The following ALK variants were observed in gnomAD, a reference collection of about 807,000 sequenced individuals.
ALK encodes the protein ALK tyrosine kinase receptor.
ALK carries 74 observed loss-of-function variants against 163.1 expected under a neutral mutation model. That is an observed-to-expected ratio of 0.45 (90% CI 0.38 to 0.55). The LOEUF (loss-of-function observed/expected upper bound fraction) is 0.55. ALK is among the 20% of genes least tolerant of loss of function. ALK has a pLI of 0.00. For synonymous variants in ALK, 960 were observed against 843.2 expected (o/e 1.14, Z -2.40); for missense variants, 2,063 against 2,105.3 (o/e 0.98, Z 0.39).
intron 1 of ALK, among the ~76,000 whole-genome samples, chr2:29,863,460 C>T (rs1379170087): frequency 6.6e-6 from 1 of 152,084 alleles, no homozygotes; most frequent in Non-Finnish European, 1.5e-5. Flanking sequence ...GAGCAAATGA[C>T]CTGAAAAGGT....
At chr2:29,560,814 C>CTTG (rs1558384620) in intron 3 of ALK, among the ~76,000 whole-genome samples, 7 of 152,114 alleles carry the variant, frequency 4.6e-5, no homozygotes, top group African/African-American at 1.7e-4. Flanking sequence ...TCAAGTGATC[C>CTTG]ACCTAACTTG....
At chr2:29,307,045 G>T (rs910092178) in intron 8 of ALK, among the ~76,000 whole-genome samples, 6 of 152,220 alleles carry the variant, frequency 3.9e-5, no homozygotes, top group African/African-American at 1.4e-4. Context: ...ACGGCATTGT[G>T]GCTAGGCCTA....
intron 22 of ALK, chr2:29,221,192 A>G (rs1284660065): frequency 1.8e-6 from 1 of 544,070 alleles, no homozygotes; most frequent in African/African-American, 1.9e-5. Flanking sequence ...TCTCCCAGGA[A>G]GGCCTCAGGC....
intron 9 of ALK, among the ~76,000 whole-genome samples, chr2:29,293,528 A>AT (rs150827402): frequency 3.9e-5 from 6 of 152,124 alleles, no homozygotes; most frequent in Non-Finnish European, 7.4e-5. Flanking sequence ...TCTGGGGATA[A>AT]TTTTTTTTAA....
chr2:29,908,280 GCACA>G (rs10607985), intron 1 of ALK, among the ~76,000 whole-genome samples: 116,634 of 148,472 alleles, frequency 0.79, 46,488 homozygotes, highest in Non-Finnish European at 0.87. Context: ...ACTCTCCAGA[GCACA>G]CACACACACA....
At chr2:29,586,692 T>A (rs1674898592) in intron 3 of ALK, among the ~76,000 whole-genome samples, 1 of 152,192 alleles carries the variant, frequency 6.6e-6, no homozygotes, top group Admixed American at 6.5e-5. Context: ...GGCGACAACT[T>A]GTGCAGTGTG....
intron 3 of ALK, among the ~76,000 whole-genome samples, chr2:29,641,709 C>G (rs1379459821): frequency 1.3e-5 from 2 of 152,172 alleles, no homozygotes; most frequent in Admixed American, 1.3e-4. Context: ...TTGCTTTTCT[C>G]TGCTAGTAGC....
chr2:29,519,215 C>T (rs772131043), intron 4 of ALK, among the ~76,000 whole-genome samples: 3 of 152,158 alleles, frequency 2.0e-5, no homozygotes, highest in Non-Finnish European at 4.4e-5. Flanking sequence ...ATCTGTTTTG[C>T]AAGGTGGTGA....
intron 5 of ALK, among the ~76,000 whole-genome samples, chr2:29,334,179 C>T (rs1667540504): frequency 6.6e-6 from 1 of 152,162 alleles, no homozygotes; most frequent in African/African-American, 2.4e-5. Flanking sequence ...TACATTACTT[C>T]TTCTTACAAT....
chr2:29,529,158 C>T (rs1188974767), intron 4 of ALK, among the ~76,000 whole-genome samples: 2 of 152,174 alleles, frequency 1.3e-5, no homozygotes, highest in Non-Finnish European at 2.9e-5. Context: ...CAGCCGGCAC[C>T]ACCTGCTCAC....
intron 1 of ALK, among the ~76,000 whole-genome samples, chr2:29,718,311 G>T (rs1382458216): frequency 6.6e-6 from 1 of 152,220 alleles, no homozygotes; most frequent in Non-Finnish European, 1.5e-5. Flanking sequence ...AAGAAAAGCA[G>T]CAGAGAAGCA....
At chr2:29,811,204 C>T (rs34049160) in intron 1 of ALK, among the ~76,000 whole-genome samples, 4 of 151,832 alleles carry the variant, frequency 2.6e-5, no homozygotes, top group South Asian at 2.1e-4. Flanking sequence ...GAGCAGGGGA[C>T]GTGAAGCGGG....
chr2:29,431,118 C>G (rs1335117215), intron 4 of ALK, among the ~76,000 whole-genome samples: 2 of 151,598 alleles, frequency 1.3e-5, no homozygotes, highest in African/African-American at 4.9e-5. Context: ...AAGCTAAGAG[C>G]TACAAAGGAC....
At chr2:29,600,741 A>G (rs1014557664) in intron 3 of ALK, among the ~76,000 whole-genome samples, 74 of 152,186 alleles carry the variant, frequency 4.9e-4, no homozygotes, top group African/African-American at 1.7e-3. Flanking sequence ...GAGATGATTC[A>G]AAAGGACAGT....
chr2:29,753,688 C>T (rs924469689), intron 1 of ALK, among the ~76,000 whole-genome samples: 1 of 152,168 alleles, frequency 6.6e-6, no homozygotes, highest in East Asian at 1.9e-4. Flanking sequence ...TCCAATTTGG[C>T]TCTCCATTAC....
intron 1 of ALK, among the ~76,000 whole-genome samples, chr2:29,796,994 G>A (rs972506773): frequency 8.7e-5 from 12 of 138,396 alleles, no homozygotes; most frequent in African/African-American, 2.2e-4. Context: ...ATATATGCAC[G>A]CACACCCACA....
chr2:29,394,707 C>T (rs1402697799), intron 4 of ALK, among the ~76,000 whole-genome samples: 1 of 152,150 alleles, frequency 6.6e-6, no homozygotes, highest in African/African-American at 2.4e-5. Flanking sequence ...ATCATTTTGC[C>T]TTTCTAACTC....
At chr2:29,898,053 A>G (rs1481717919) in intron 1 of ALK, among the ~76,000 whole-genome samples, 4 of 152,242 alleles carry the variant, frequency 2.6e-5, no homozygotes, top group African/African-American at 9.6e-5. Context: ...CAAGACTAGA[A>G]GAAGAGAAAA....
At position 29,328,332 on chromosome 2, in the gene ALK, G is replaced by T; in HGVS notation, c.1414+18C>A. On this transcript the variant is annotated intron_variant, in intron 6 of 28. Transcript: ENST00000389048. ...ATGGGCTGGGCTCAGGCAGGGTGGG[G>T]CAGCCCCATCTACTCACGGCACATC... The T allele has an allele frequency of 6.2e-7, 1 of 1,614,054 alleles. No individual in the cohort carries two copies. Among genetic ancestry groups the T allele is most frequent in the Non-Finnish European group, 8.5e-7 (1 of 1,179,938 alleles).
Sources: gnomAD v4.1 joint callset for allele counts (sites outside exome capture counted in the v4.1 genomes callset) on GRCh38, gnomAD v4.1.1 for gene constraint, MANE v1.5 for transcripts, NCBI Gene and HGNC (gene_info 2026-07-23, HGNC 2026-07-21) for gene names.